The following ITPR1 variants were observed in gnomAD, a reference collection of about 807,000 sequenced individuals.
ITPR1 encodes the protein inositol 1,4,5-trisphosphate receptor type 1.
A neutral mutation model predicts 318.4 loss-of-function variants in ITPR1; 96 were observed. That is an observed-to-expected ratio of 0.30 (90% CI 0.26 to 0.36). The LOEUF (loss-of-function observed/expected upper bound fraction) is 0.36, where lower values mean the gene tolerates loss of function less well. Among genes scored for constraint, ITPR1 ranks in the 10% least tolerant of loss-of-function variants. ITPR1 has a pLI of 1.00. For missense variants in ITPR1, 2,440 were observed against 3,460.2 expected, an observed-to-expected ratio of 0.71 and a Z score of 7.40; for synonymous variants, 1,312 against 1,289.9, an observed-to-expected ratio of 1.02 and a Z score of -0.37.
intron 4 of ITPR1, among the ~76,000 whole-genome samples, chr3:4,564,205 T>G (rs1287047363): frequency 6.6e-6 from 1 of 152,096 alleles, no homozygotes; most frequent in Non-Finnish European, 1.5e-5. Context: ...CCTCCCAAAG[T>G]GCTGGGATTA....
intron 4 of ITPR1, among the ~76,000 whole-genome samples, chr3:4,610,582 T>C (rs1461883560): frequency 6.6e-6 from 1 of 152,064 alleles, no homozygotes; most frequent in African/African-American, 2.4e-5. Context: ...TTTTTTTAAA[T>C]AGCCAGCGGA....
At chr3:4,603,724 T>C (rs898267219) in intron 4 of ITPR1, among the ~76,000 whole-genome samples, 8 of 152,292 alleles carry the variant, frequency 5.3e-5, no homozygotes. Context: ...TACCACATTT[T>C]CTTTCACCAG....
chr3:4,831,684 A>G lies in ITPR1; in HGVS notation c.8029-5090A>G, dbSNP rs565837827. On this transcript the variant is annotated intron_variant, in intron 60 of 61. Transcript: ENST00000649015. ...CACTGAGACACGTTTTTGATCTTGA[A>G]TAGATGATACAGGCAAGATTCTGCA... is the stretch of plus-strand genomic sequence containing the variant. Among the ~76,000 whole-genome samples the G allele has an allele frequency of 3.9e-4, 60 of 152,352 alleles. 1 individual carries two copies. The highest frequency in any genetic ancestry group is 2.1e-3 in the South Asian group (10 of 4,830).
chr3:4,670,432 G>A (rs748412635), intron 19 of ITPR1, among the ~76,000 whole-genome samples: 1 of 152,144 alleles, frequency 6.6e-6, no homozygotes, highest in African/African-American at 2.4e-5. Context: ...AAAATGTTCA[G>A]CAGCATCCCT....
At chr3:4,830,358 GTT>G (rs543041110) in intron 60 of ITPR1, among the ~76,000 whole-genome samples, 121 of 151,936 alleles carry the variant, frequency 8.0e-4, no homozygotes, top group Non-Finnish European at 1.2e-3. Flanking sequence ...CAGATTCTGT[GTT>G]TTTGTTTTTG....
chr3:4,507,682 C>T (rs149836612), intron 2 of ITPR1, among the ~76,000 whole-genome samples: 2 of 152,292 alleles, frequency 1.3e-5, no homozygotes, highest in East Asian at 3.9e-4. Flanking sequence ...ATAGGTTCCT[C>T]TCTGTGTCTG....
At chr3:4,701,978 C>T (rs17041231) in intron 35 of ITPR1, among the ~76,000 whole-genome samples, 52 of 152,106 alleles carry the variant, frequency 3.4e-4, no homozygotes, top group Non-Finnish European at 5.3e-4. Flanking sequence ...TATTAACTTC[C>T]GCTGTTTTTA....
At chr3:4,692,223 A>G (rs189242058) in intron 32 of ITPR1, among the ~76,000 whole-genome samples, 9 of 152,054 alleles carry the variant, frequency 5.9e-5, no homozygotes, top group African/African-American at 2.2e-4. Context: ...GAAGGGTGCC[A>G]TGAGATACAT....
intron 4 of ITPR1, among the ~76,000 whole-genome samples, chr3:4,574,560 C>G (rs2088418281): frequency 6.6e-6 from 1 of 152,140 alleles, no homozygotes; most frequent in Admixed American, 6.5e-5. Flanking sequence ...CTGGCATCCT[C>G]CTGTATTTTG....
intron 45 of ITPR1, among the ~76,000 whole-genome samples, chr3:4,767,652 G>A (rs1188222371): frequency 1.3e-5 from 2 of 152,192 alleles, no homozygotes; most frequent in African/African-American, 4.8e-5. Context: ...CTGAGTAGCT[G>A]GGACTGCAAG....
At chr3:4,600,007 A>C (rs995414766) in intron 4 of ITPR1, among the ~76,000 whole-genome samples, 6 of 152,226 alleles carry the variant, frequency 3.9e-5, no homozygotes, top group African/African-American at 1.4e-4. Context: ...GCCCCCAGGA[A>C]GCCTGATGTG....
intron 57 of ITPR1, 124 bp downstream of exon 57, chr3:4,813,358 A>G: frequency 1.6e-6 from 1 of 642,912 alleles, no homozygotes; most frequent in Non-Finnish European, 2.7e-6. Context: ...CAAAGGGGAA[A>G]GGCTGAGAAA....
intron 3 of ITPR1, among the ~76,000 whole-genome samples, chr3:4,520,680 A>G (rs182364517): frequency 1.3e-5 from 2 of 152,324 alleles, no homozygotes; most frequent in Admixed American, 6.5e-5. Context: ...ACCTGGCACA[A>G]AGTCAGCTCC....
At chr3:4,505,315 C>G (rs532808111) in intron 2 of ITPR1, among the ~76,000 whole-genome samples, 104 of 152,282 alleles carry the variant, frequency 6.8e-4, no homozygotes, top group African/African-American at 2.3e-3. Flanking sequence ...GCCTTGGCCT[C>G]CCAAGTAGCT....
At chr3:4,802,042 G>A (rs182456150) in intron 54 of ITPR1, among the ~76,000 whole-genome samples, 2 of 152,310 alleles carry the variant, frequency 1.3e-5, no homozygotes, top group Admixed American at 1.3e-4. Flanking sequence ...CCCCAGGTCA[G>A]CATTCCCAGA....
intron 46 of ITPR1, among the ~76,000 whole-genome samples, chr3:4,772,365 A>G (rs1288688150): frequency 6.6e-6 from 1 of 152,254 alleles, no homozygotes. Context: ...TGCTTGTCAT[A>G]TTTATAACCT....
intron 36 of ITPR1, 108 bp from the exon 37 acceptor site, chr3:4,706,059 C>T: frequency 8.8e-7 from 1 of 1,132,674 alleles, no homozygotes; most frequent in East Asian, 2.5e-5. Context: ...CAAGCTGGCC[C>T]ATTCTGGGTG....
chr3:4,564,991 A>T (rs1487269209), intron 4 of ITPR1, among the ~76,000 whole-genome samples: 1 of 152,224 alleles, frequency 6.6e-6, no homozygotes, highest in Non-Finnish European at 1.5e-5. Flanking sequence ...AAATGAAAAT[A>T]CGGACAATAC....
intron 4 of ITPR1, among the ~76,000 whole-genome samples, chr3:4,603,855 C>A (rs765288910): frequency 1.3e-5 from 2 of 152,114 alleles, no homozygotes; most frequent in African/African-American, 4.8e-5. Flanking sequence ...TTGGGTAATA[C>A]GCAGTAATGG....
Sources: gnomAD v4.1 joint callset for allele counts (sites outside exome capture counted in the v4.1 genomes callset) on GRCh38, gnomAD v4.1.1 for gene constraint, MANE v1.5 for transcripts, NCBI Gene and HGNC (gene_info 2026-07-23, HGNC 2026-07-21) for gene names.